Variants in NCOR1 observed in about 807,000 individuals in gnomAD.
The protein encoded by NCOR1 is nuclear receptor corepressor 1.
A neutral mutation model predicts 288.1 loss-of-function variants in NCOR1; 63 were observed. The observed-to-expected ratio is 0.22, with a 90% CI of 0.18 to 0.27. The LOEUF (loss-of-function observed/expected upper bound fraction) is 0.27, where lower values mean the gene tolerates loss of function less well. NCOR1 is among the 10% of genes least tolerant of loss of function. NCOR1 has a pLI of 1.00. For synonymous variants in NCOR1, 1,007 were observed against 1,065.9 expected, an observed-to-expected ratio of 0.94 and a Z score of 1.08; for missense variants, 2,397 against 3,019.2, an observed-to-expected ratio of 0.79 and a Z score of 4.83.
chr17:16,110,654 C>G (rs1412126147), intron 18 of NCOR1, among the ~76,000 whole-genome samples: 1 of 152,188 alleles, frequency 6.6e-6, no homozygotes, highest in African/African-American at 2.4e-5. Context: ...TACGTTTCAC[C>G]TCATATGAGC....
chr17:16,058,316 AAAAG>A (rs2060161736), intron 38 of NCOR1, 151 bp downstream of exon 38: 1 of 1,037,314 alleles, frequency 9.6e-7, no homozygotes, highest in Admixed American at 2.9e-5. Context: ...TAAAAAATAA[AAAAG>A]AATCGATTGC....
At chr17:16,049,085 G>A (rs1356839059) in intron 40 of NCOR1, 97 bp from the exon 41 acceptor site, 17 of 1,313,352 alleles carry the variant, frequency 1.3e-5, no homozygotes, top group Non-Finnish European at 1.5e-5. Context: ...TTCAGGAGAA[G>A]GAGCAAAAGC....
chr17:16,064,197 A>G lies in NCOR1; in HGVS notation c.5102-10T>C. ...AGGTGTGTTGGGTGTCCTGTAAAACATAAACCTGCAGCTTAAAGATAAAAA... is the reference window on the plus strand; with the variant it reads ...AGGTGTGTTGGGTGTCCTGTAAAACGTAAACCTGCAGCTTAAAGATAAAAA... On this transcript the variant is annotated splice_polypyrimidine_tract_variant and intron_variant, in intron 34 of 45. Transcript: ENST00000268712. 1 of 1,609,462 alleles carries G rather than the reference A, an allele frequency of 6.2e-7. No individual in the cohort carries two copies. Among genetic ancestry groups the G allele is most frequent in the East Asian group, 2.2e-5 (1 of 44,768 alleles).
Position 16,040,510 on chromosome 17 carries a change from CA to C in NCOR1, c.6680-17del. 1 of 1,610,992 alleles carries C rather than the reference CA, an allele frequency of 6.2e-7. No individual in the cohort carries two copies. Among genetic ancestry groups the C allele is most frequent in the Non-Finnish European group, 8.5e-7 (1 of 1,178,092 alleles). On this transcript the variant is annotated splice_polypyrimidine_tract_variant and intron_variant, in intron 42 of 45. Transcript: ENST00000268712. ...TGAGCAGCTGCTATATTTAAGCAAA[CA>C]TTCAAGTTAATTAAGATGTGATAAT... is the stretch of plus-strand genomic sequence containing the variant.
chr17:16,115,149 C>T (rs1047484785), intron 18 of NCOR1, among the ~76,000 whole-genome samples: 3 of 152,234 alleles, frequency 2.0e-5, no homozygotes, highest in Admixed American at 6.5e-5. Flanking sequence ...TCTGAAGCCA[C>T]GGCCCAAGCT....
intron 3 of NCOR1, 78 bp downstream of exon 3, chr17:16,186,476 T>A: frequency 6.9e-7 from 1 of 1,458,556 alleles, no homozygotes; most frequent in Non-Finnish European, 9.2e-7. Flanking sequence ...TAATAAAAAG[T>A]AAAAAAATAA....
chr17:16,068,403 C>T (rs2061369849), intron 31 of NCOR1: 1 of 341,744 alleles, frequency 2.9e-6, no homozygotes, highest in African/African-American at 2.1e-5. Flanking sequence ...ATTCAATACT[C>T]TTCTTTAAAT....
chr17:16,067,303 T>C (rs893133286), intron 32 of NCOR1, among the ~76,000 whole-genome samples: 1 of 152,228 alleles, frequency 6.6e-6, no homozygotes, highest in African/African-American at 2.4e-5. Context: ...CAAGGAAGAA[T>C]GAAGAGTGGT....
chr17:16,203,242 G>A (rs1308659038), intron 1 of NCOR1, among the ~76,000 whole-genome samples: 1 of 152,136 alleles, frequency 6.6e-6, no homozygotes, highest in Non-Finnish European at 1.5e-5. Flanking sequence ...ATTCCCCAAG[G>A]ATTTCCTACG....
At chr17:16,172,018 A>G (rs1166154980) in intron 3 of NCOR1, 23 bp from the exon 4 acceptor site, 1 of 1,515,430 alleles carries the variant, frequency 6.6e-7, no homozygotes, top group East Asian at 2.4e-5. Context: ...AAGAAAATAA[A>G]CACTTGAAAA....
intron 19 of NCOR1, among the ~76,000 whole-genome samples, chr17:16,106,770 T>C (rs891618500): frequency 2.0e-5 from 3 of 148,512 alleles, no homozygotes; most frequent in African/African-American, 7.5e-5. Context: ...CCTACAATTC[T>C]ACTGGGAAAA....
chr17:16,096,309 A>T (rs926539771), intron 21 of NCOR1, among the ~76,000 whole-genome samples: 2 of 152,140 alleles, frequency 1.3e-5, no homozygotes, highest in South Asian at 2.1e-4. Context: ...CAATAAAAAA[A>T]AAATAAAATA....
chr17:16,183,632 A>G (rs2086001611), intron 3 of NCOR1, among the ~76,000 whole-genome samples: 1 of 152,186 alleles, frequency 6.6e-6, no homozygotes, highest in Non-Finnish European at 1.5e-5. Flanking sequence ...ATGGATCAAA[A>G]GAATGTTGCA....
In NCOR1 at chr17:16,127,301, GTATA is replaced by G. The variant is rs1158743942; in HGVS notation, c.1510-1099_1510-1096del. On this transcript the variant is annotated intron_variant, in intron 14 of 45. Transcript: ENST00000268712. ...TATATACGTGTATATATGTATGTATGTATATATACATGTATGTATATATGTATGT... is the reference window on the plus strand; with the variant it reads ...TATATACGTGTATATATGTATGTATGTATACATGTATGTATATATGTATGT... Among the ~76,000 whole-genome samples the G allele has an allele frequency of 1.9e-3, 179 of 95,714 alleles. 57 individuals are homozygous for G. Among genetic ancestry groups the G allele is most frequent in the Non-Finnish European group, 2.4e-3 (102 of 42,294 alleles). 62.8% of individuals were successfully genotyped at this position (95,714 alleles called of 152,430 possible).
intron 14 of NCOR1, among the ~76,000 whole-genome samples, chr17:16,135,086 G>C (rs1020296100): frequency 2.7e-5 from 4 of 149,766 alleles, no homozygotes; most frequent in Admixed American, 6.7e-5. Context: ...ATGAACCCGG[G>C]AGGTGGAGCT....
chr17:16,056,996 A>G (rs1049866914), intron 40 of NCOR1: 3 of 152,224 alleles, frequency 2.0e-5, no homozygotes. Context: ...CAAACAAAAA[A>G]TATATAAACT....
At position 16,159,413 on chromosome 17, in the gene NCOR1, CAAAAAAA is replaced by C. The variant is rs35243097; in HGVS notation, c.619-547_619-541del. On this transcript the variant is annotated intron_variant, in intron 5 of 45. Transcript: ENST00000268712. ...GGGCAACAAGAGCAAAACTCTATCT[CAAAAAAA>C]AAAAAAAAAAAAAAAGATTTTAATT... Among the ~76,000 whole-genome samples the C allele has an allele frequency of 2.4e-3, 162 of 66,342 alleles. 2 individuals carry two copies. Among genetic ancestry groups the C allele is most frequent in the Middle Eastern group, 0.017 (2 of 118 alleles). 43.5% of individuals were successfully genotyped at this position (66,342 alleles called of 152,430 possible).
rs748522125 is a variant in NCOR1, at chr17:16,030,627, C to G, written c.*1669G>C. 55 of 181,670 alleles carry G rather than the reference C, an allele frequency of 3.0e-4. No homozygotes were observed. In the Middle Eastern group the frequency reaches 8.3e-3, roughly 28 times the overall value. 11.3% of individuals were successfully genotyped at this position (181,670 alleles called of 1,614,324 possible). ...CTTTCCAAGTACTAGGAATGCTGAC[C>G]ACTAAGCCTGATCTAAAGTTTATGT... On this transcript the variant is annotated 3_prime_UTR_variant, in exon 46 of 46. Coordinates refer to ENST00000268712, the MANE Select transcript of NCOR1 (RefSeq NM_006311.4).
chr17:16,148,689 A>AC (rs1319007983), intron 9 of NCOR1, among the ~76,000 whole-genome samples: 2 of 148,804 alleles, frequency 1.3e-5, no homozygotes, highest in African/African-American at 2.5e-5. Flanking sequence ...AAAAAAAAAA[A>AC]ACAACTCAAG....
Sources: gnomAD v4.1 joint callset for allele counts (sites outside exome capture counted in the v4.1 genomes callset) on GRCh38, gnomAD v4.1.1 for gene constraint, MANE v1.5 for transcripts, NCBI Gene and HGNC (gene_info 2026-07-23, HGNC 2026-07-21) for gene names.